Variants in MELK observed in about 807,000 individuals in gnomAD.
MELK encodes the protein pEg3 kinase.
A neutral mutation model predicts 85.0 loss-of-function variants in MELK; 81 were observed. The ratio of observed to expected loss-of-function variants is 0.95; its 90% CI spans 0.80 to 1.15. MELK has a LOEUF of 1.15. Among genes scored for constraint, MELK ranks in the 50% most tolerant of loss-of-function variants. The pLI, the probability that MELK is intolerant of heterozygous loss-of-function variation, is 0.00. For synonymous variants in MELK, 252 were observed against 265.0 expected (o/e 0.95, Z 0.48); for missense variants, 754 against 777.5 (o/e 0.97, Z 0.36).
intron 1 of MELK, among the ~76,000 whole-genome samples, chr9:36,581,252 C>G (rs1405713551): frequency 6.6e-6 from 1 of 151,760 alleles, no homozygotes; most frequent in Non-Finnish European, 1.5e-5. Flanking sequence ...CCAGGCTGGC[C>G]TCGAACTCCT....
chr9:36,574,430 C>CAAA (rs78915626), intron 1 of MELK, among the ~76,000 whole-genome samples: 95 of 79,916 alleles, frequency 1.2e-3, no homozygotes, highest in Non-Finnish European at 2.0e-3. Flanking sequence ...ACTAAAAATA[C>CAAA]AAAAAAAAAA....
At chr9:36,607,529 T>G (rs1033878683) in intron 7 of MELK, 46 bp from the exon 8 acceptor site, 1 of 1,376,994 alleles carries the variant, frequency 7.3e-7, no homozygotes. Context: ...TGAAATATGT[T>G]TGAATTTTTG....
At chr9:36,617,049 T>C (rs1281566020) in intron 8 of MELK, among the ~76,000 whole-genome samples, 1 of 152,200 alleles carries the variant, frequency 6.6e-6, no homozygotes. Flanking sequence ...CAAGTAGTCA[T>C]TTGTACATTG....
At chr9:36,580,938 C>T (rs1309370358) in intron 1 of MELK, among the ~76,000 whole-genome samples, 1 of 151,896 alleles carries the variant, frequency 6.6e-6, no homozygotes, top group Non-Finnish European at 1.5e-5. Flanking sequence ...CCATGTTGGC[C>T]AGGCTGGTCT....
intron 11 of MELK, among the ~76,000 whole-genome samples, chr9:36,648,978 AAAC>A (rs1373856920): frequency 2.0e-5 from 3 of 152,212 alleles, no homozygotes; most frequent in African/African-American, 7.2e-5. Context: ...TGAGAAAAAA[AAAC>A]CCCAGATATG....
At chr9:36,666,950 G>A (rs950626065) in intron 14 of MELK, among the ~76,000 whole-genome samples, 1 of 149,954 alleles carries the variant, frequency 6.7e-6, no homozygotes, top group African/African-American at 2.5e-5. Flanking sequence ...GCCTGTGGTT[G>A]TTATGAGAAT....
chr9:36,593,023 A>C (rs73645806), intron 4 of MELK, among the ~76,000 whole-genome samples: 2,896 of 152,276 alleles, frequency 0.019, 80 homozygotes, highest in African/African-American at 0.062. Context: ...ATTCTAGACT[A>C]TGATGTAAAT....
At chr9:36,629,544 T>C (rs1444982934) in intron 8 of MELK, among the ~76,000 whole-genome samples, 1 of 152,220 alleles carries the variant, frequency 6.6e-6, no homozygotes, top group Non-Finnish European at 1.5e-5. Context: ...AATTCTGTTT[T>C]GTGGATGACC....
intron 8 of MELK, among the ~76,000 whole-genome samples, chr9:36,617,224 C>A (rs190874184): frequency 9.2e-5 from 14 of 152,274 alleles, no homozygotes; most frequent in Admixed American, 8.5e-4. Flanking sequence ...CATACCCCCC[C>A]ACCAATACAG....
rs58778429 is a variant in MELK at position 36,595,296 on chromosome 9, C to T, written c.405+525C>T. ...GACTACAGGCGCCTGCCACAACACC[C>T]GGCTAATTTTTTGTATTTTTTAGTA... On this transcript the variant is annotated intron_variant, in intron 5 of 17. Coordinates refer to ENST00000298048, the MANE Select transcript of MELK (RefSeq NM_014791.4). Among the ~76,000 whole-genome samples the T allele has an allele frequency of 2.6e-3, 397 of 151,974 alleles. 2 individuals carry two copies. The highest frequency in any genetic ancestry group is 9.2e-3 in the African/African-American group (383 of 41,464).
chr9:36,654,401 G>A (rs1256116610), intron 12 of MELK, among the ~76,000 whole-genome samples: 1 of 139,418 alleles, frequency 7.2e-6, no homozygotes, highest in Non-Finnish European at 1.5e-5. Context: ...TGTTGCCCAG[G>A]CTGGAGTGCA....
chr9:36,636,770 T>G (rs531839441), intron 10 of MELK, among the ~76,000 whole-genome samples: 2,112 of 111,204 alleles, frequency 0.019, 56 homozygotes, highest in African/African-American at 0.071. Flanking sequence ...CTTTCTTTCT[T>G]TCTTTCTTTC....
At chr9:36,656,421 A>G (rs1831247980) in intron 12 of MELK, among the ~76,000 whole-genome samples, 1 of 152,162 alleles carries the variant, frequency 6.6e-6, no homozygotes, top group Non-Finnish European at 1.5e-5. Context: ...CCTTTCTGAT[A>G]ATTTGAACTG....
intron 8 of MELK, among the ~76,000 whole-genome samples, chr9:36,621,993 A>C (rs1827497828): frequency 6.6e-6 from 1 of 152,196 alleles, no homozygotes; most frequent in African/African-American, 2.4e-5. Context: ...GATATTTTTG[A>C]AAAATCAAAT....
intron 1 of MELK, among the ~76,000 whole-genome samples, chr9:36,580,268 T>C (rs2134921450): frequency 6.6e-6 from 1 of 152,170 alleles, no homozygotes; most frequent in Middle Eastern, 3.4e-3. Flanking sequence ...GACCTTGTGA[T>C]CCACCCGCCT....
intron 7 of MELK, among the ~76,000 whole-genome samples, chr9:36,603,618 G>A (rs1825147051): frequency 1.3e-5 from 2 of 151,860 alleles, no homozygotes; most frequent in African/African-American, 4.8e-5. Flanking sequence ...TTTCTTTGTA[G>A]AGATAGGGTC....
chr9:36,601,672 G>A (rs1824941021), intron 7 of MELK, among the ~76,000 whole-genome samples: 1 of 152,064 alleles, frequency 6.6e-6, no homozygotes, highest in Non-Finnish European at 1.5e-5. Context: ...CGACCTCCAG[G>A]GCTCTTTTAA....
In MELK at chr9:36,665,342, T is replaced by G; in HGVS notation, c.1177-8T>G. On this transcript the variant is annotated splice_polypyrimidine_tract_variant and splice_region_variant and intron_variant, in intron 13 of 17. Coordinates refer to ENST00000298048, the MANE Select transcript of MELK (RefSeq NM_014791.4). ...AGTGTGCTTTATCTAGTAACTTTTT[T>G]TTTCCAGTTTACCAAGTACTGGACA... 1 of 1,569,744 alleles carries G rather than the reference T, an allele frequency of 6.4e-7. No individual in the cohort carries two copies. Among genetic ancestry groups the G allele is most frequent in the Non-Finnish European group, 8.7e-7 (1 of 1,153,196 alleles).
chr9:36,595,977 G>A (rs920718421), intron 5 of MELK, among the ~76,000 whole-genome samples: 2 of 151,884 alleles, frequency 1.3e-5, no homozygotes, highest in South Asian at 2.1e-4. Context: ...CACCACTCTC[G>A]GCTAATTTTT....
Sources: gnomAD v4.1 joint callset for allele counts (sites outside exome capture counted in the v4.1 genomes callset) on GRCh38, gnomAD v4.1.1 for gene constraint, MANE v1.5 for transcripts, NCBI Gene and HGNC (gene_info 2026-07-23, HGNC 2026-07-21) for gene names.